Variants in HCN1 observed in about 807,000 individuals in gnomAD.
The protein encoded by HCN1 is hyperpolarization activated cyclic nucleotide gated potassium channel 1.
In HCN1, 13 loss-of-function variants were observed where a neutral mutation model predicts 78.9. The ratio of observed to expected loss-of-function variants is 0.16; its 90% confidence interval spans 0.11 to 0.26. The LOEUF is 0.26. Ranked by LOEUF, HCN1 falls within the 10% of genes least tolerant of loss-of-function variation. The probability of loss-of-function intolerance (pLI) is 1.00; values close to 1 mark genes in which losing one functional copy is unlikely to be tolerated. For synonymous variants in HCN1, 552 were observed against 455.5 expected (o/e 1.21, Z -2.70); for missense variants, 810 against 1,154.3 (o/e 0.70, Z 4.32).
At chr5:45,280,532 C>G (rs1745135933) in intron 6 of HCN1, among the ~76,000 whole-genome samples, 1 of 152,110 alleles carries the variant, frequency 6.6e-6, no homozygotes, top group Non-Finnish European at 1.5e-5. Context: ...AGCTTCATCT[C>G]CCTGGCCTCA....
intron 2 of HCN1, among the ~76,000 whole-genome samples, chr5:45,530,214 C>T (rs763963300): frequency 6.6e-6 from 1 of 151,890 alleles, no homozygotes; most frequent in Non-Finnish European, 1.5e-5. Context: ...TCAGGTGCCA[C>T]TCCTAAATCA....
chr5:45,375,242 T>C (rs1472264320), intron 4 of HCN1, among the ~76,000 whole-genome samples: 1 of 117,624 alleles, frequency 8.5e-6, no homozygotes, highest in East Asian at 2.2e-4. Flanking sequence ...ATATATAATA[T>C]ATTATACATA....
chr5:45,361,140 GT>G (rs1354734738), intron 4 of HCN1, among the ~76,000 whole-genome samples: 177 of 152,284 alleles, frequency 1.2e-3, no homozygotes, highest in African/African-American at 4.1e-3. Flanking sequence ...TGCCTCCAGG[GT>G]TCTAGCGATT....
intron 3 of HCN1, among the ~76,000 whole-genome samples, chr5:45,401,767 G>C (rs188987095): frequency 6.0e-5 from 9 of 151,048 alleles, no homozygotes; most frequent in Non-Finnish European, 1.3e-4. Flanking sequence ...TCTCCATATA[G>C]AGAAATATAT....
chr5:45,527,399 G>A (rs1049388025), intron 2 of HCN1, among the ~76,000 whole-genome samples: 3 of 143,162 alleles, frequency 2.1e-5, no homozygotes, highest in Admixed American at 1.4e-4. Flanking sequence ...CCACACAGAG[G>A]TATGCTCCAT....
rs541548407 is a variant in HCN1 at position 45,257,016 on chromosome 5, C to T, written c.*4905G>A. 1.3e-5 allele frequency: 2 copies of T among 152,302 alleles called. No homozygotes were observed. Among genetic ancestry groups the T allele is most frequent in the South Asian group, 4.1e-4 (2 of 4,830 alleles). 9.4% of individuals were successfully genotyped at this position (152,302 alleles called of 1,614,324 possible). On this transcript the variant is annotated 3_prime_UTR_variant, in exon 8 of 8. Coordinates refer to ENST00000303230, the MANE Select transcript of HCN1 (RefSeq NM_021072.4). ...CAAGTAAACTTTCAGTTTCCTATTC[C>T]CATTACTCTATTTAGCAAACCTAGG... is the stretch of plus-strand genomic sequence containing the variant.
At chr5:45,455,803 G>A (rs1741018192) in intron 3 of HCN1, among the ~76,000 whole-genome samples, 1 of 146,866 alleles carries the variant, frequency 6.8e-6, no homozygotes, top group African/African-American at 2.5e-5. Flanking sequence ...CATTATAGCA[G>A]CTTTTCAATG....
chr5:45,616,408 T>C (rs550083671), intron 2 of HCN1, among the ~76,000 whole-genome samples: 1 of 152,044 alleles, frequency 6.6e-6, no homozygotes, highest in South Asian at 2.1e-4. Flanking sequence ...ATAACAACAA[T>C]AGTCACAAGG....
intron 1 of HCN1, 45 bp downstream of exon 1, chr5:45,695,624 G>C: frequency 6.3e-7 from 1 of 1,588,998 alleles, no homozygotes; most frequent in Non-Finnish European, 8.6e-7. Flanking sequence ...GCGCGTTTCA[G>C]GGCGCGCCTG....
At chr5:45,650,837 T>C (rs907490308) in intron 1 of HCN1, among the ~76,000 whole-genome samples, 1 of 151,924 alleles carries the variant, frequency 6.6e-6, no homozygotes, top group Non-Finnish European at 1.5e-5. Context: ...GGAGAACTCC[T>C]CCTTGTTCCT....
At chr5:45,281,867 G>A (rs904049469) in intron 6 of HCN1, among the ~76,000 whole-genome samples, 5 of 151,940 alleles carry the variant, frequency 3.3e-5, no homozygotes, top group African/African-American at 1.2e-4. Context: ...TGGGATTACA[G>A]GTGTGAGCCA....
chr5:45,454,508 A>G (rs748487403), intron 3 of HCN1, among the ~76,000 whole-genome samples: 32 of 151,894 alleles, frequency 2.1e-4, no homozygotes, highest in Admixed American at 2.6e-4. Context: ...AATAAAAAAA[A>G]ATAAAATCTT....
intron 5 of HCN1, among the ~76,000 whole-genome samples, chr5:45,352,407 G>C (rs1478012840): frequency 6.6e-6 from 1 of 151,964 alleles, no homozygotes; most frequent in East Asian, 1.9e-4. Context: ...ATAGCATTAG[G>C]AGATATACCT....
intron 6 of HCN1, among the ~76,000 whole-genome samples, chr5:45,280,593 GGACT>G (rs1745136995): frequency 6.6e-6 from 1 of 152,112 alleles, no homozygotes; most frequent in Non-Finnish European, 1.5e-5. Context: ...ACCACAATAA[GGACT>G]GACAGGAGTG....
At chr5:45,396,020 C>G (rs1446655049) in intron 4 of HCN1, among the ~76,000 whole-genome samples, 1 of 152,100 alleles carries the variant, frequency 6.6e-6, no homozygotes, top group Non-Finnish European at 1.5e-5. Flanking sequence ...TCTAGATATA[C>G]AGGTAATATA....
At chr5:45,374,845 A>T (rs1747568946) in intron 4 of HCN1, among the ~76,000 whole-genome samples, 1 of 146,232 alleles carries the variant, frequency 6.8e-6, no homozygotes, top group African/African-American at 2.5e-5. Flanking sequence ...TTTTTCTTCA[A>T]GTGATTTTGT....
chr5:45,417,210 CA>C lies in HCN1; in HGVS notation c.1012-20501del, dbSNP rs899789647. Among the ~76,000 whole-genome samples, 10 of 151,956 alleles carry C rather than the reference CA, an allele frequency of 6.6e-5. 1 individual carries two copies. The highest frequency in any genetic ancestry group is 4.1e-4 in the South Asian group (2 of 4,820). Reference sequence around the variant, plus strand: ...GCTCACGGTATCTATTGAAAGTTGACATTTTTTTTGTCTCTAGGTGTACAAC... The same window carrying C: ...GCTCACGGTATCTATTGAAAGTTGACTTTTTTTTGTCTCTAGGTGTACAAC... On this transcript the variant is annotated intron_variant, in intron 3 of 7. Transcript: ENST00000303230.
At chr5:45,426,732 C>A (rs1256286383) in intron 3 of HCN1, among the ~76,000 whole-genome samples, 1 of 152,108 alleles carries the variant, frequency 6.6e-6, no homozygotes, top group African/African-American at 2.4e-5. Context: ...GAGAAGAATT[C>A]AGAAGCACTC....
chr5:45,376,349 T>TATATAGAGAG lies in HCN1; in HGVS notation c.1230+20142_1230+20143insCTCTCTATAT, dbSNP rs1198836343. On this transcript the variant is annotated intron_variant, in intron 4 of 7. Transcript: ENST00000303230. ...ATATATAACATATATTATATATATATAGAGAGAGAGAGAGAGAGAGAGAGA... is the reference window on the plus strand; with the variant it reads ...ATATATAACATATATTATATATATATATATAGAGAGAGAGAGAGAGAGAGAGAGAGAGAGA... 3.7e-5 allele frequency among the ~76,000 whole-genome samples: 4 copies of TATATAGAGAG among 109,494 alleles called. No individual in the cohort carries two copies. In the East Asian group the frequency reaches 7.1e-4, roughly 19 times the overall value. The allele number at this position is 109,494 out of a possible 152,430, so 71.8% of individuals were successfully genotyped here. A position where few individuals can be genotyped will look rare whatever the true frequency, so the allele number is the denominator to read the frequency against.
Sources: gnomAD v4.1 joint callset for allele counts (sites outside exome capture counted in the v4.1 genomes callset) on GRCh38, gnomAD v4.1.1 for gene constraint, MANE v1.5 for transcripts, NCBI Gene and HGNC (gene_info 2026-07-23, HGNC 2026-07-21) for gene names.